Variants in TAF3 observed in about 807,000 individuals in gnomAD.
TAF3 encodes transcription initiation factor TFIID subunit 3.
A neutral mutation model predicts 80.6 loss-of-function variants in TAF3; 7 were observed. The observed-to-expected ratio is 0.09, with a 90% CI of 0.05 to 0.16. The LOEUF (loss-of-function observed/expected upper bound fraction) is 0.16, where lower values mean the gene tolerates loss of function less well. Ranked by LOEUF, TAF3 falls within the 10% of genes least tolerant of loss-of-function variation. The pLI is 1.00. For synonymous variants in TAF3, 444 were observed against 446.1 expected, an observed-to-expected ratio of 1.00 and a Z score of 0.06; for missense variants, 921 against 1,140.2, an observed-to-expected ratio of 0.81 and a Z score of 2.77.
chr10:7,957,766 G>A (rs1323934963), intron 2 of TAF3, among the ~76,000 whole-genome samples: 3 of 132,682 alleles, frequency 2.3e-5, no homozygotes, highest in Non-Finnish European at 3.3e-5. Context: ...ATATACACAT[G>A]CTGTCTGTCT....
At chr10:8,002,066 A>T (rs1831949739) in intron 4 of TAF3, among the ~76,000 whole-genome samples, 1 of 152,168 alleles carries the variant, frequency 6.6e-6, no homozygotes, top group South Asian at 2.1e-4. Context: ...CCTCTTGTTG[A>T]TAACTTACAT....
intron 5 of TAF3, among the ~76,000 whole-genome samples, chr10:8,010,105 C>T (rs1236303073): frequency 6.6e-6 from 1 of 152,140 alleles, no homozygotes; most frequent in African/African-American, 2.4e-5. Flanking sequence ...CAGGGTTTCA[C>T]TATGTTGCCC....
Position 7,818,718 on chromosome 10 carries a change from G to C in TAF3, c.9G>C (p.Glu3Asp). MC[E>D]SYSRSLLRVS... ...GGCGTCCACGCAGCGGGATGTGCGA[G>C]AGTTACTCCAGGTCGTTGTTGAGGG... Residue 3 changes from glutamate (E) to aspartate (D), a missense_variant, in exon 1 of 7, where the codon GAG becomes GAC. This residue lies in a region of TAF3 where 106 missense variants were observed against 191.8 expected (regional missense o/e 0.55). Transcript: ENST00000344293. 1 of 1,605,976 alleles carries C rather than the reference G, an allele frequency of 6.2e-7. No individual in the cohort carries two copies. The highest frequency in any genetic ancestry group is 8.5e-7 in the Non-Finnish European group (1 of 1,177,326).
intron 1 of TAF3, among the ~76,000 whole-genome samples, chr10:7,821,652 G>T (rs1318720048): frequency 6.6e-6 from 1 of 152,170 alleles, no homozygotes; most frequent in African/African-American, 2.4e-5. Flanking sequence ...GTCTCTGTCG[G>T]TGTCACATTA....
At position 7,972,625 on chromosome 10, in the gene TAF3, G is replaced by A. The variant is rs558983242; in HGVS notation, c.2233-4616G>A. Among the ~76,000 whole-genome samples the A allele has an allele frequency of 2.0e-4, 31 of 152,190 alleles. No homozygotes were observed. The South Asian group carries it at 4.2e-3, about 20-fold the overall frequency. The stretch of plus-strand genomic sequence containing the variant: ...GTTGACTGAATACCTGTTGCCTTCC[G>A]GGCACATTTATACCATTTTAAATCT... On this transcript the variant is annotated intron_variant, in intron 3 of 6. Coordinates refer to ENST00000344293, the MANE Select transcript of TAF3 (RefSeq NM_031923.4).
intron 2 of TAF3, among the ~76,000 whole-genome samples, chr10:7,845,414 T>G (rs1431282144): frequency 1.3e-5 from 2 of 152,224 alleles, no homozygotes; most frequent in Non-Finnish European, 2.9e-5. Context: ...ACTTACTATA[T>G]GCTAGTCATT....
chr10:7,903,618 T>C (rs772899500), intron 2 of TAF3, among the ~76,000 whole-genome samples: 20 of 152,382 alleles, frequency 1.3e-4, no homozygotes, highest in Non-Finnish European at 2.2e-4. Flanking sequence ...ATTGCTTAGC[T>C]GATGCAGTTT....
At chr10:7,993,388 A>G (rs2131429626) in intron 4 of TAF3, among the ~76,000 whole-genome samples, 1 of 152,328 alleles carries the variant, frequency 6.6e-6, no homozygotes, top group Non-Finnish European at 1.5e-5. Context: ...TGTGTTGCCC[A>G]GGATGGTCTC....
At chr10:8,007,404 G>C (rs1217736941) in intron 4 of TAF3, among the ~76,000 whole-genome samples, 2 of 151,414 alleles carry the variant, frequency 1.3e-5, no homozygotes, top group East Asian at 3.9e-4. Context: ...AAAAAACAAA[G>C]TACCAAGAAC....
At chr10:7,890,720 G>A (rs1837450509) in intron 2 of TAF3, among the ~76,000 whole-genome samples, 1 of 152,142 alleles carries the variant, frequency 6.6e-6, no homozygotes, top group Non-Finnish European at 1.5e-5. Flanking sequence ...AAAGCAATCA[G>A]TGCAGAATTC....
chr10:8,004,450 G>C (rs1564381746), intron 4 of TAF3, among the ~76,000 whole-genome samples: 1 of 152,134 alleles, frequency 6.6e-6, no homozygotes, highest in Non-Finnish European at 1.5e-5. Flanking sequence ...CGAAAAATTT[G>C]AGAATTGTTG....
chr10:7,885,027 A>G (rs1837396355), intron 2 of TAF3, among the ~76,000 whole-genome samples: 1 of 151,634 alleles, frequency 6.6e-6, no homozygotes, highest in African/African-American at 2.4e-5. Context: ...TTGAAAGTAT[A>G]TAGTCAAAAC....
intron 4 of TAF3, among the ~76,000 whole-genome samples, chr10:8,002,928 G>A (rs987326225): frequency 6.6e-6 from 1 of 152,164 alleles, no homozygotes; most frequent in Non-Finnish European, 1.5e-5. Flanking sequence ...TTTATCATCA[G>A]GAAGTAGCCT....
intron 2 of TAF3, among the ~76,000 whole-genome samples, chr10:7,854,016 C>T (rs1295442785): frequency 6.6e-6 from 1 of 152,186 alleles, no homozygotes; most frequent in African/African-American, 2.4e-5. Flanking sequence ...ATCAACAAAA[C>T]TTAGAAGAAA....
chr10:7,900,060 A>G (rs973878768), intron 2 of TAF3, among the ~76,000 whole-genome samples: 2 of 152,188 alleles, frequency 1.3e-5, no homozygotes, highest in African/African-American at 2.4e-5. Flanking sequence ...CTGTTAAAAT[A>G]TATTGAAAAG....
intron 2 of TAF3, among the ~76,000 whole-genome samples, chr10:7,918,035 TG>T (rs1288263045): frequency 1.3e-5 from 2 of 152,210 alleles, no homozygotes; most frequent in Non-Finnish European, 2.9e-5. Context: ...AGTTCTGTTT[TG>T]TTTTTAGGAT....
intron 2 of TAF3, among the ~76,000 whole-genome samples, chr10:7,929,937 C>G (rs1837853190): frequency 6.6e-6 from 1 of 152,140 alleles, no homozygotes; most frequent in Non-Finnish European, 1.5e-5. Flanking sequence ...CGTGGTGGCT[C>G]ACACCTATAA....
In TAF3 at chr10:8,009,270, CG is replaced by C; in HGVS notation, c.2512del (p.Ala838ProfsTer11). On this transcript the variant is annotated frameshift_variant, in exon 5 of 7. Transcript: ENST00000344293. LOFTEE classifies it high-confidence loss of function. This position sits in a 1 kb window ranked among gnomAD's most constrained non-coding sequence, Gnocchi z 4.1. ...LLPSPGPAAS[G>X]ASAKAPVRSV... Reference sequence around the variant, plus strand: ...TGCCCTCCCCGGGTCCCGCCGCCTCCGGGGCCAGTGCCAAAGCCCCCGTGCG... The same window carrying C: ...TGCCCTCCCCGGGTCCCGCCGCCTCCGGGCCAGTGCCAAAGCCCCCGTGCG... 6.4e-7 allele frequency: 1 copy of C among 1,570,526 alleles called. No homozygotes were observed. Among genetic ancestry groups the C allele is most frequent in the Non-Finnish European group, 8.6e-7 (1 of 1,161,574 alleles).
intron 2 of TAF3, among the ~76,000 whole-genome samples, chr10:7,830,528 G>A (rs1361089839): frequency 1.8e-5 from 2 of 113,412 alleles, no homozygotes; most frequent in Non-Finnish European, 3.3e-5. Context: ...CTGTCACCCA[G>A]GCTGGAGTGC....
Sources: gnomAD v4.1 joint callset for allele counts (sites outside exome capture counted in the v4.1 genomes callset) on GRCh38, gnomAD v4.1.1 for gene constraint, gnomAD v4.1.1 regional missense constraint, Gnocchi (gnomAD v3.1) non-coding constraint, MANE v1.5 for transcripts, NCBI Gene and HGNC (gene_info 2026-07-23, HGNC 2026-07-21) for gene names.